The following AGAP1 variants were observed in gnomAD, a reference collection of about 807,000 sequenced individuals.
The protein encoded by AGAP1 is ArfGAP with GTPase domain, ankyrin repeat and PH domain 1, also known as arf-GAP with GTPase, ANK repeat and PH domain-containing protein 1.
In AGAP1, 29 loss-of-function variants were observed where a neutral mutation model predicts 105.3. That is an observed-to-expected ratio of 0.28 (90% CI 0.21 to 0.38). AGAP1 has a LOEUF of 0.38. AGAP1 is among the 10% of genes least tolerant of loss of function. The pLI is 1.00. For synonymous variants in AGAP1, 509 were observed against 485.9 expected (o/e 1.05, Z -0.63); for missense variants, 998 against 1,165.1 (o/e 0.86, Z 2.09).
rs2055139896 is a variant in AGAP1 at position 235,982,479 on chromosome 2, G to T, written c.1645+13856G>T. On this transcript the variant is annotated intron_variant, in intron 13 of 17. Coordinates refer to ENST00000304032, the MANE Select transcript of AGAP1 (RefSeq NM_001037131.3). This position sits in a 1 kb window ranked among gnomAD's most constrained non-coding sequence, Gnocchi z 4.9. Reference sequence around the variant, plus strand: ...ATTCATGCAATGAGGCACTGCTGTTGTGGGGTGTTGGTTTGAAGAACTCAT... The same window carrying T: ...ATTCATGCAATGAGGCACTGCTGTTTTGGGGTGTTGGTTTGAAGAACTCAT... Among the ~76,000 whole-genome samples, 1 of 152,210 alleles carries T rather than the reference G, an allele frequency of 6.6e-6. No individual in the cohort carries two copies. The highest frequency in any genetic ancestry group is 1.9e-4 in the East Asian group (1 of 5,200).
chr2:236,117,920 G>T (rs2059809522), intron 16 of AGAP1, among the ~76,000 whole-genome samples: 1 of 152,158 alleles, frequency 6.6e-6, no homozygotes, highest in Admixed American at 6.6e-5. Context: ...CGCTGCATTT[G>T]TGGGGGCCGG....
chr2:235,744,568 A>G lies in AGAP1; in HGVS notation c.397-130A>G. ...ACAGTGTGTAAAAGTGACAGTCAAA[A>G]GTCAAGCACCCAGTGTGTGACCGAG... On this transcript the variant is annotated intron_variant, in intron 4 of 17. Coordinates refer to ENST00000304032, the MANE Select transcript of AGAP1 (RefSeq NM_001037131.3). This position sits in a 1 kb window ranked among gnomAD's most constrained non-coding sequence, Gnocchi z 5.2. The G allele has an allele frequency of 2.7e-6, 3 of 1,122,106 alleles. No individual in the cohort carries two copies. Among genetic ancestry groups the G allele is most frequent in the Non-Finnish European group, 3.9e-6 (3 of 763,938 alleles). 69.5% of individuals were successfully genotyped at this position (1,122,106 alleles called of 1,614,324 possible). A position where few individuals can be genotyped will look rare whatever the true frequency, so the allele number is the denominator to read the frequency against.
intron 13 of AGAP1, among the ~76,000 whole-genome samples, chr2:235,969,072 C>T (rs1485557627): frequency 6.6e-6 from 1 of 152,224 alleles, no homozygotes; most frequent in Non-Finnish European, 1.5e-5. Context: ...CAGCTTTTAG[C>T]AACGTGTTAT....
intron 9 of AGAP1, among the ~76,000 whole-genome samples, chr2:235,873,415 G>A (rs1019394325): frequency 1.2e-4 from 18 of 152,114 alleles, no homozygotes; most frequent in African/African-American, 3.1e-4. Context: ...CTGTCTCATC[G>A]TACTTTTGAG....
intron 12 of AGAP1, among the ~76,000 whole-genome samples, chr2:235,935,455 T>C (rs771572286): frequency 2.6e-5 from 4 of 152,250 alleles, no homozygotes; most frequent in Non-Finnish European, 1.5e-5. Flanking sequence ...CAGAAGTAAT[T>C]TTTGCAGCAA....
rs952782672 is a variant in AGAP1 at position 236,036,783 on chromosome 2, C to A, written c.1800+68C>A. 6.3e-7 allele frequency: 1 copy of A among 1,582,450 alleles called. No homozygotes were observed. The highest frequency in any genetic ancestry group is 8.6e-7 in the Non-Finnish European group (1 of 1,168,420). ...GGGGGAGTGCGGGCCCCAAGTAATG[C>A]CCCAGGGAGGAGAAAATAGAGGACC... On this transcript the variant is annotated intron_variant, in intron 14 of 17. Transcript: ENST00000304032. The surrounding 1 kb of genome is among the most constrained non-coding windows in gnomAD (Gnocchi z 5.7).
chr2:235,607,043 G>A (rs956557815), intron 1 of AGAP1, among the ~76,000 whole-genome samples: 3 of 151,844 alleles, frequency 2.0e-5, no homozygotes. Flanking sequence ...CATGAGACTG[G>A]CAGGTGAGAA....
intron 9 of AGAP1, among the ~76,000 whole-genome samples, chr2:235,810,979 A>G (rs1453677019): frequency 6.6e-6 from 1 of 151,818 alleles, no homozygotes; most frequent in African/African-American, 2.4e-5. Context: ...GTACATACAT[A>G]ATCACTTGAT....
chr2:235,938,039 C>G (rs991553083), intron 12 of AGAP1, among the ~76,000 whole-genome samples: 1 of 152,264 alleles, frequency 6.6e-6, no homozygotes, highest in Admixed American at 6.5e-5. Flanking sequence ...CAACCCAGAG[C>G]AGTGCCTGAT....
At chr2:235,537,071 C>T (rs1339157568) in intron 1 of AGAP1, among the ~76,000 whole-genome samples, 1 of 152,252 alleles carries the variant, frequency 6.6e-6, no homozygotes, top group African/African-American at 2.4e-5. Context: ...CAGCGTTGGG[C>T]ATGCAGTGGT....
intron 12 of AGAP1, among the ~76,000 whole-genome samples, chr2:235,939,137 A>C (rs985108591): frequency 6.6e-6 from 1 of 152,150 alleles, no homozygotes; most frequent in African/African-American, 2.4e-5. Context: ...AGGAAAGACA[A>C]CTTTGACACC....
rs148248222 is a variant in AGAP1, at chr2:235,793,148, C to T, written c.674-4611C>T. 1.6e-4 allele frequency among the ~76,000 whole-genome samples: 24 copies of T among 152,248 alleles called. No homozygotes were observed. The highest frequency in any genetic ancestry group is 1.6e-3 in the East Asian group (8 of 5,148). On this transcript the variant is annotated intron_variant, in intron 6 of 17. Transcript: ENST00000304032. This position sits in a 1 kb window ranked among gnomAD's most constrained non-coding sequence, Gnocchi z 5.3. ...GAGGTCCAGGAAGGTGCGACCTAGC[C>T]TCTGGACCACTCCCAGTGACCATGG...
chr2:235,551,302 G>T lies in AGAP1; in HGVS notation c.163+56453G>T, dbSNP rs78157819. On this transcript the variant is annotated intron_variant, in intron 1 of 17. Transcript: ENST00000304032. This position sits in a 1 kb window ranked among gnomAD's most constrained non-coding sequence, Gnocchi z 4.8. ...ATTCTGAAAGGGTGAGGAGAGAGGGGCTAGACAGATTTTTTTTTTTGAGAC... is the reference window on the plus strand; with the variant it reads ...ATTCTGAAAGGGTGAGGAGAGAGGGTCTAGACAGATTTTTTTTTTTGAGAC... 2.2e-3 allele frequency among the ~76,000 whole-genome samples: 335 copies of T among 150,814 alleles called. 15 individuals are homozygous for T. In the East Asian group the frequency reaches 0.058, roughly 26 times the overall value.
intron 1 of AGAP1, among the ~76,000 whole-genome samples, chr2:235,604,521 A>T (rs1945851412): frequency 7.2e-6 from 1 of 138,050 alleles, no homozygotes; most frequent in Non-Finnish European, 1.6e-5. Flanking sequence ...TGTCCTCTTT[A>T]TGCCAGTTCC....
At chr2:235,677,782 T>C (rs1948825328) in intron 1 of AGAP1, among the ~76,000 whole-genome samples, 1 of 151,758 alleles carries the variant, frequency 6.6e-6, no homozygotes, top group African/African-American at 2.4e-5. Context: ...GCCTTTCTGA[T>C]GCGGCTCCTG....
At position 235,874,791 on chromosome 2, in the gene AGAP1, A is replaced by C. The variant is rs2049627744; in HGVS notation, c.1051-8554A>C. Among the ~76,000 whole-genome samples the C allele has an allele frequency of 6.6e-6, 1 of 152,192 alleles. No individual in the cohort carries two copies. Among genetic ancestry groups the C allele is most frequent in the African/African-American group, 2.4e-5 (1 of 41,452 alleles). Reference sequence around the variant, plus strand: ...CAAAGATAGCATTACTCCTAGAACCAAGATACCATGAGTGTGTGTGTGCAT... The same window carrying C: ...CAAAGATAGCATTACTCCTAGAACCCAGATACCATGAGTGTGTGTGTGCAT... On this transcript the variant is annotated intron_variant, in intron 9 of 17. Coordinates refer to ENST00000304032, the MANE Select transcript of AGAP1 (RefSeq NM_001037131.3). This position sits in a 1 kb window ranked among gnomAD's most constrained non-coding sequence, Gnocchi z 4.5.
In AGAP1 at chr2:235,842,173, A is replaced by G. The variant is rs1243302833; in HGVS notation, c.1050+34842A>G. ...TCCTGGTTTCTTAGTTCTGGAGCACAGACTCCGTGCTCTGGAGCAAGAGTT... is the reference window on the plus strand; with the variant it reads ...TCCTGGTTTCTTAGTTCTGGAGCACGGACTCCGTGCTCTGGAGCAAGAGTT... On this transcript the variant is annotated intron_variant, in intron 9 of 17. Coordinates refer to ENST00000304032, the MANE Select transcript of AGAP1 (RefSeq NM_001037131.3). The surrounding 1 kb of genome is among the most constrained non-coding windows in gnomAD (Gnocchi z 5.3). Among the ~76,000 whole-genome samples the G allele has an allele frequency of 6.6e-6, 1 of 152,222 alleles. No homozygotes were observed. The highest frequency in any genetic ancestry group is 2.4e-5 in the African/African-American group (1 of 41,462).
rs747299510 is a variant in AGAP1, at chr2:235,908,738, G to T, written c.1156G>T (p.Asp386Tyr). ...GVLTYHPSLH[D>Y]YMQNVHGKEI... ...CTTGGATGTTTAACATTTTCAACAGGATTACATGCAGAATGTTCATGGTAA... is the reference window on the plus strand; with the variant it reads ...CTTGGATGTTTAACATTTTCAACAGTATTACATGCAGAATGTTCATGGTAA... The change falls in exon 11 of 18, where the codon GAT (aspartate) becomes TAT (tyrosine). Residue 386 changes from aspartate to tyrosine, a missense_variant and splice_region_variant. By Grantham distance (160) the Asp-to-Tyr change is radical. Around this residue, in one of 3 missense-constraint regions of AGAP1, gnomAD observed 735 missense variants for 833.4 expected, o/e 0.88. Transcript: ENST00000304032. This position sits in a 1 kb window ranked among gnomAD's most constrained non-coding sequence, Gnocchi z 4.4. 1.9e-6 allele frequency: 3 copies of T among 1,603,474 alleles called. No homozygotes were observed. Among genetic ancestry groups the T allele is most frequent in the Non-Finnish European group, 1.7e-6 (2 of 1,174,590 alleles).
rs1448724407 is a variant in AGAP1 at position 236,061,106 on chromosome 2, A to ATAT, written c.2114+11827_2114+11828insTTA. Among the ~76,000 whole-genome samples, 3 of 152,196 alleles carry ATAT rather than the reference A, an allele frequency of 2.0e-5. No homozygotes were observed. The highest frequency in any genetic ancestry group is 4.4e-5 in the Non-Finnish European group (3 of 68,046). ...AAATAAAAATGGGCTAAGACTCTAAATAGACATTTCTCCAGAAAATATAAA... is the reference window on the plus strand; with the variant it reads ...AAATAAAAATGGGCTAAGACTCTAAATATTAGACATTTCTCCAGAAAATATAAA... On this transcript the variant is annotated intron_variant, in intron 16 of 17. Transcript: ENST00000304032. This position sits in a 1 kb window ranked among gnomAD's most constrained non-coding sequence, Gnocchi z 4.1.
Sources: gnomAD v4.1 joint callset for allele counts (sites outside exome capture counted in the v4.1 genomes callset) on GRCh38, gnomAD v4.1.1 for gene constraint, gnomAD v4.1.1 regional missense constraint, Gnocchi (gnomAD v3.1) non-coding constraint, MANE v1.5 for transcripts, NCBI Gene and HGNC (gene_info 2026-07-23, HGNC 2026-07-21) for gene names.